Variants in SWAP70 observed in about 807,000 individuals in gnomAD.
SWAP70 encodes the protein switching B cell complex subunit SWAP70, also known as switch-associated protein 70.
In SWAP70, 34 loss-of-function variants were observed where a neutral mutation model predicts 80.2. The observed-to-expected ratio is 0.42, with a 90% CI of 0.32 to 0.56. The LOEUF (loss-of-function observed/expected upper bound fraction) is 0.56, where lower values mean the gene tolerates loss of function less well. SWAP70 is among the 20% of genes least tolerant of loss of function. The probability of loss-of-function intolerance (pLI) is 0.09; values close to 1 mark genes in which losing one functional copy is unlikely to be tolerated. For missense variants in SWAP70, 578 were observed against 690.7 expected, an observed-to-expected ratio of 0.84 and a Z score of 1.83; for synonymous variants, 239 against 238.5, an observed-to-expected ratio of 1.00 and a Z score of -0.02.
chr11:9,666,121 T>C (rs952552975), intron 1 of SWAP70, among the ~76,000 whole-genome samples: 32 of 151,328 alleles, frequency 2.1e-4, no homozygotes, highest in African/African-American at 7.3e-4. Context: ...AGTCTTGCCC[T>C]GTTGCCCAGG....
intron 1 of SWAP70, among the ~76,000 whole-genome samples, chr11:9,675,813 T>G (rs1210775461): frequency 6.6e-6 from 1 of 152,140 alleles, no homozygotes; most frequent in Non-Finnish European, 1.5e-5. Flanking sequence ...TGGCTCCAGT[T>G]GTAACTTGAC....
chr11:9,664,373 AGGGCG>A, intron 1 of SWAP70, 95 bp downstream of exon 1: 1 of 1,387,504 alleles, frequency 7.2e-7, no homozygotes, highest in Non-Finnish European at 9.7e-7. Flanking sequence ...CCGTGACCGC[AGGGCG>A]GGGCGGGTCG....
intron 6 of SWAP70, among the ~76,000 whole-genome samples, chr11:9,731,527 A>G (rs761525901): frequency 1.2e-4 from 19 of 152,234 alleles, no homozygotes; most frequent in Non-Finnish European, 2.1e-4. Flanking sequence ...TAATAGGGAA[A>G]TGGTTGAATA....
At chr11:9,693,352 C>A (rs1297599685) in intron 1 of SWAP70, among the ~76,000 whole-genome samples, 1 of 152,136 alleles carries the variant, frequency 6.6e-6, no homozygotes. Flanking sequence ...AACTACTGTA[C>A]CTGGACTTTG....
chr11:9,664,451 G>T (rs923748469), intron 1 of SWAP70, among the ~76,000 whole-genome samples, 173 bp downstream of exon 1: 1 of 152,352 alleles, frequency 6.6e-6, no homozygotes, highest in East Asian at 1.9e-4. Flanking sequence ...GGTGTTTACT[G>T]CCTCCCCCTT....
intron 1 of SWAP70, among the ~76,000 whole-genome samples, chr11:9,672,367 T>A (rs537517499): frequency 4.7e-5 from 7 of 150,430 alleles, no homozygotes; most frequent in South Asian, 2.1e-4. Context: ...TTTTAAAAAA[T>A]TTATTTATTT....
At chr11:9,706,956 T>C (rs191835088) in intron 2 of SWAP70, among the ~76,000 whole-genome samples, 26 of 152,266 alleles carry the variant, frequency 1.7e-4, no homozygotes, top group Non-Finnish European at 7.4e-5. Context: ...TTTTTTTCTT[T>C]AGCAAGATTC....
chr11:9,720,979 C>A (rs1453913539), intron 3 of SWAP70, among the ~76,000 whole-genome samples: 1 of 152,104 alleles, frequency 6.6e-6, no homozygotes, highest in Non-Finnish European at 1.5e-5. Context: ...CCACACCCAG[C>A]TAATTTTTGT....
At chr11:9,700,650 A>G (rs1850819483) in intron 2 of SWAP70, among the ~76,000 whole-genome samples, 1 of 152,190 alleles carries the variant, frequency 6.6e-6, no homozygotes, top group Non-Finnish European at 1.5e-5. Context: ...TTTGAACCTA[A>G]GCCATTTAAT....
chr11:9,697,227 A>T (rs1309179704), intron 2 of SWAP70, among the ~76,000 whole-genome samples: 1 of 151,882 alleles, frequency 6.6e-6, no homozygotes, highest in African/African-American at 2.4e-5. Flanking sequence ...TAGCATTTAT[A>T]ATAATAATTT....
chr11:9,706,522 C>A (rs1850917511), intron 2 of SWAP70, among the ~76,000 whole-genome samples: 1 of 152,088 alleles, frequency 6.6e-6, no homozygotes, highest in South Asian at 2.1e-4. Flanking sequence ...TTGGGAAACA[C>A]ATCAGTAATG....
intron 1 of SWAP70, among the ~76,000 whole-genome samples, chr11:9,693,085 C>G (rs771502142): frequency 6.6e-6 from 1 of 152,108 alleles, no homozygotes; most frequent in Non-Finnish European, 1.5e-5. Flanking sequence ...AAAAGGGACT[C>G]GCTTAATGCA....
intron 1 of SWAP70, among the ~76,000 whole-genome samples, chr11:9,674,047 A>ACG: frequency 6.6e-6 from 1 of 152,026 alleles, no homozygotes; most frequent in African/African-American, 2.4e-5. Flanking sequence ...TTACAGGTGT[A>ACG]TGCCACCATA....
intron 5 of SWAP70, among the ~76,000 whole-genome samples, chr11:9,728,768 C>T (rs1851257872): frequency 6.6e-6 from 1 of 152,170 alleles, no homozygotes; most frequent in African/African-American, 2.4e-5. Flanking sequence ...CCTGAAATCT[C>T]ACACATAAAC....
chr11:9,703,571 C>G (rs1220068257), intron 2 of SWAP70: 5 of 448,708 alleles, frequency 1.1e-5, no homozygotes, highest in Non-Finnish European at 1.3e-5. Flanking sequence ...AGCTAACCAG[C>G]TCTCCTATAA....
chr11:9,695,259 A>G (rs1850740775), intron 2 of SWAP70, among the ~76,000 whole-genome samples: 2 of 151,958 alleles, frequency 1.3e-5, no homozygotes, highest in Admixed American at 1.3e-4. Context: ...ACGCCATTGC[A>G]TTCCAGCCTG....
intron 1 of SWAP70, among the ~76,000 whole-genome samples, chr11:9,686,409 G>A (rs1195290957): frequency 6.7e-6 from 1 of 149,556 alleles, no homozygotes; most frequent in African/African-American, 2.5e-5. Flanking sequence ...TGCCAGAGCT[G>A]GAGTACAGCG....
At chr11:9,744,909 A>G (rs1374347733) in intron 9 of SWAP70, among the ~76,000 whole-genome samples, 1 of 152,192 alleles carries the variant, frequency 6.6e-6, no homozygotes, top group Non-Finnish European at 1.5e-5. Context: ...AGAAAAAATT[A>G]AGAAAAATCG....
intron 1 of SWAP70, among the ~76,000 whole-genome samples, chr11:9,686,745 T>C (rs1850638366): frequency 6.6e-6 from 1 of 152,172 alleles, no homozygotes; most frequent in Admixed American, 6.5e-5. Context: ...AACTCTTTCA[T>C]TGTGTTGATG....
Sources: gnomAD v4.1 joint callset for allele counts (sites outside exome capture counted in the v4.1 genomes callset) on GRCh38, gnomAD v4.1.1 for gene constraint, MANE v1.5 for transcripts, NCBI Gene and HGNC (gene_info 2026-07-23, HGNC 2026-07-21) for gene names.